The following ARHGAP6 variants were observed in gnomAD, a reference collection of about 807,000 sequenced individuals.
The protein encoded by ARHGAP6 is rho GTPase-activating protein 6.
A neutral mutation model predicts 55.7 loss-of-function variants in ARHGAP6; 16 were observed. The ratio of observed to expected loss-of-function variants is 0.29; its 90% CI spans 0.19 to 0.44. The LOEUF (loss-of-function observed/expected upper bound fraction) is 0.44. ARHGAP6 is among the 20% of genes least tolerant of loss of function. The pLI, the probability that ARHGAP6 is intolerant of heterozygous loss-of-function variation, is 1.00. For missense variants in ARHGAP6, 698 were observed against 808.9 expected, an observed-to-expected ratio of 0.86 and a Z score of 1.66; for synonymous variants, 382 against 360.9, an observed-to-expected ratio of 1.06 and a Z score of -0.66.
intron 1 of ARHGAP6, among the ~76,000 whole-genome samples, chrX:11,315,879 A>G (rs1424939183): frequency 8.9e-6 from 1 of 111,952 alleles, no homozygotes; most frequent in Non-Finnish European, 1.9e-5. Flanking sequence ...ATGCACTGAT[A>G]GTTACCTAGT....
intron 1 of ARHGAP6, among the ~76,000 whole-genome samples, chrX:11,360,583 T>A (rs891303218): frequency 9.2e-6 from 1 of 108,605 alleles, no homozygotes; most frequent in Admixed American, 9.8e-5. Flanking sequence ...AGCATTCCCT[T>A]TGAAAACTGG....
At chrX:11,148,307 G>A (rs914975041) in intron 10 of ARHGAP6, among the ~76,000 whole-genome samples, 1 of 111,717 alleles carries the variant, frequency 9.0e-6, no homozygotes, top group Non-Finnish European at 1.9e-5. Context: ...CACTAGATGA[G>A]GAATAGTCTA....
intron 1 of ARHGAP6, among the ~76,000 whole-genome samples, chrX:11,537,392 T>C (rs1456893035): frequency 9.0e-6 from 1 of 111,677 alleles, no homozygotes; most frequent in Non-Finnish European, 1.9e-5. Flanking sequence ...CAGCAAAGAA[T>C]TACCCTGCCC....
intron 1 of ARHGAP6, among the ~76,000 whole-genome samples, chrX:11,369,490 T>A (rs778378053): frequency 9.0e-6 from 1 of 111,262 alleles, no homozygotes; most frequent in Non-Finnish European, 1.9e-5. Context: ...AACAGGATAC[T>A]CTTTAGAAGC....
intron 1 of ARHGAP6, among the ~76,000 whole-genome samples, chrX:11,622,584 C>T (rs768675694): frequency 9.0e-5 from 10 of 110,812 alleles, no homozygotes; most frequent in Non-Finnish European, 1.9e-4. Context: ...TAACCTGGAC[C>T]CTGCTGTGTC....
intron 1 of ARHGAP6, among the ~76,000 whole-genome samples, chrX:11,472,438 G>A (rs2050357163): frequency 8.9e-6 from 1 of 111,968 alleles, no homozygotes; most frequent in Non-Finnish European, 1.9e-5. Context: ...GTTTCAAGGG[G>A]AGAAGGCCAA....
chrX:11,419,364 AG>A (rs754941045), intron 1 of ARHGAP6, among the ~76,000 whole-genome samples: 18 of 112,327 alleles, frequency 1.6e-4, no homozygotes, highest in African/African-American at 5.8e-4. Context: ...ACTGTGAATC[AG>A]TAGCTAATGT....
chrX:11,359,489 T>C (rs2048980104), intron 1 of ARHGAP6, among the ~76,000 whole-genome samples: 1 of 112,225 alleles, frequency 8.9e-6, no homozygotes, highest in Admixed American at 9.4e-5. Flanking sequence ...AACTTCTAAA[T>C]CTTATTTAGC....
chrX:11,600,916 G>C (rs12846195), intron 1 of ARHGAP6, among the ~76,000 whole-genome samples: 1 of 111,878 alleles, frequency 8.9e-6, no homozygotes, highest in African/African-American at 3.3e-5. Flanking sequence ...ATGTCTCAGA[G>C]ATTTCCTAGT....
chrX:11,437,287 T>C (rs911655961), intron 1 of ARHGAP6, among the ~76,000 whole-genome samples: 3 of 112,385 alleles, frequency 2.7e-5, no homozygotes, highest in Non-Finnish European at 3.8e-5. Flanking sequence ...AGTCACTGTT[T>C]CAATATTTTA....
chrX:11,632,960 G>A (rs1254666413), intron 1 of ARHGAP6, among the ~76,000 whole-genome samples: 1 of 111,861 alleles, frequency 8.9e-6, no homozygotes, highest in Non-Finnish European at 1.9e-5. Context: ...ACTGGTGTGT[G>A]AGTACCAATG....
chrX:11,424,880 G>A (rs2049862247), intron 1 of ARHGAP6, among the ~76,000 whole-genome samples: 1 of 112,555 alleles, frequency 8.9e-6, no homozygotes, highest in Non-Finnish European at 1.9e-5. Context: ...CTTTGAAAAT[G>A]TCTGTTTATG....
At chrX:11,165,350 T>C (rs1370933780) in intron 9 of ARHGAP6, among the ~76,000 whole-genome samples, 4 of 111,001 alleles carry the variant, frequency 3.6e-5, no homozygotes, top group Non-Finnish European at 7.5e-5. Flanking sequence ...TAAAAGGTAA[T>C]AAATGCTATG....
intron 1 of ARHGAP6, among the ~76,000 whole-genome samples, chrX:11,364,464 G>A (rs2049050123): frequency 9.0e-6 from 1 of 110,792 alleles, no homozygotes; most frequent in Admixed American, 9.6e-5. Flanking sequence ...CTACCCAACA[G>A]TGATTTCCCC....
At chrX:11,343,605 T>C (rs948478615) in intron 1 of ARHGAP6, among the ~76,000 whole-genome samples, 15 of 111,504 alleles carry the variant, frequency 1.3e-4, no homozygotes, top group Non-Finnish European at 2.3e-4. Context: ...AGGAGAGAAA[T>C]GTCAATCTTA....
chrX:11,494,897 GAAGTT>G (rs1156294220), intron 1 of ARHGAP6, among the ~76,000 whole-genome samples: 4 of 111,911 alleles, frequency 3.6e-5, no homozygotes, highest in Non-Finnish European at 7.5e-5. Flanking sequence ...TAGATGGTTG[GAAGTT>G]AAGGAGCCAG....
At position 11,138,556 on chromosome X, in the gene ARHGAP6, C is replaced by G; in HGVS notation, c.*307G>C. ...AGTCAAAACCGAAGACACATAAATA[C>G]GGTTAGGCTATACCAAGCAAGAGTT... is the stretch of plus-strand genomic sequence containing the variant. On this transcript the variant is annotated 3_prime_UTR_variant, in exon 13 of 13. Coordinates refer to ENST00000337414, the MANE Select transcript of ARHGAP6 (RefSeq NM_013427.3). 3.0e-6 allele frequency: 1 copy of G among 331,293 alleles called. No individual in the cohort carries two copies. The highest frequency in any genetic ancestry group is 5.2e-6 in the Non-Finnish European group (1 of 192,333). The allele number at this position is 331,293 out of a possible 1,213,427, so 27.3% of individuals were successfully genotyped here. A position where few individuals can be genotyped will look rare whatever the true frequency, so the allele number is the denominator to read the frequency against.
intron 1 of ARHGAP6, among the ~76,000 whole-genome samples, chrX:11,426,311 C>T (rs1369939727): frequency 1.8e-5 from 2 of 111,312 alleles, no homozygotes; most frequent in Non-Finnish European, 3.8e-5. Context: ...TCCGGGATGC[C>T]TGAGTCCACC....
intron 1 of ARHGAP6, among the ~76,000 whole-genome samples, chrX:11,521,088 T>C (rs1259527524): frequency 5.4e-5 from 6 of 111,828 alleles, no homozygotes; most frequent in Admixed American, 9.6e-5. Flanking sequence ...ATTGCAAAAA[T>C]TTTCTCCCAT....
Sources: allele counts gnomAD v4.1 joint callset (sites outside exome capture counted in the v4.1 genomes callset), GRCh38; gene constraint gnomAD v4.1.1; transcripts MANE v1.5; gene names NCBI Gene and HGNC (gene_info 2026-07-23, HGNC 2026-07-21).